RBM4B: variants seen among roughly 807,000 people sequenced by gnomAD.
The protein encoded by RBM4B is RNA-binding protein 4B.
In RBM4B, 13 loss-of-function variants were observed where a neutral mutation model predicts 28.5. The ratio of observed to expected loss-of-function variants is 0.46; its 90% CI spans 0.30 to 0.72. The LOEUF (loss-of-function observed/expected upper bound fraction) is 0.72. RBM4B is among the 30% of genes least tolerant of loss of function. The probability of loss-of-function intolerance (pLI) is 0.09; values close to 1 mark genes in which losing one functional copy is unlikely to be tolerated. For synonymous variants in RBM4B, 167 were observed against 179.1 expected, an observed-to-expected ratio of 0.93 and a Z score of 0.54; for missense variants, 387 against 477.6, an observed-to-expected ratio of 0.81 and a Z score of 1.77.
intron 1 of RBM4B, 163 bp from the exon 2 acceptor site, chr11:66,677,254 A>C: frequency 1.2e-6 from 1 of 868,564 alleles, no homozygotes; most frequent in South Asian, 1.8e-5. Context: ...GTTCTCGAGA[A>C]GTGCGAGCTA....
intron 2 of RBM4B, among the ~76,000 whole-genome samples, chr11:66,674,568 GT>G (rs1047159042): frequency 0.012 from 1,639 of 141,554 alleles, 6 homozygotes; most frequent in East Asian, 0.033. Context: ...TATATATATG[GT>G]TTTTTTTTTT....
chr11:66,665,465 C>T lies in RBM4B; in HGVS notation c.*123G>A. 4 of 813,494 alleles carry T rather than the reference C, an allele frequency of 4.9e-6. No homozygotes were observed. The highest frequency in any genetic ancestry group is 8.1e-6 in the Non-Finnish European group (4 of 496,432). The allele number at this position is 813,494 out of a possible 1,614,324, so 50.4% of individuals were successfully genotyped here. On this transcript the variant is annotated 3_prime_UTR_variant, in exon 4 of 4. Transcript: ENST00000310046. ...GAAAGAAAACATAGTTGGTCACAAA[C>T]TCCTTTTGTTTACTGAAACATGAAG...
chr11:66,669,549 C>G (rs1166570617), intron 2 of RBM4B, among the ~76,000 whole-genome samples: 1 of 152,158 alleles, frequency 6.6e-6, no homozygotes, highest in Non-Finnish European at 1.5e-5. Context: ...CGGATTCAAG[C>G]AATTCTCCTG....
At chr11:66,665,663 G>GTATTC in intron 3 of RBM4B, 85 bp from the exon 4 acceptor site, 1 of 1,520,130 alleles carries the variant, frequency 6.6e-7, no homozygotes. Flanking sequence ...GTCCTGTCCT[G>GTATTC]TATTCCGGGG....
intron 2 of RBM4B, among the ~76,000 whole-genome samples, chr11:66,670,700 C>T (rs559443309): frequency 4.0e-5 from 6 of 151,702 alleles, no homozygotes; most frequent in Admixed American, 2.6e-4. Context: ...AGAAAATGCA[C>T]GGGAGGCTGA....
At position 66,669,343 on chromosome 11, in the gene RBM4B, TTCC is replaced by T. The variant is rs776454290; in HGVS notation, c.413-55_413-53del. ...TATTTTAACTCACTTGACATTCTTT[TTCC>T]TCTCCTCCCCAAATGAAAGTAAATT... On this transcript the variant is annotated intron_variant, in intron 2 of 3. Coordinates refer to ENST00000310046, the MANE Select transcript of RBM4B (RefSeq NM_031492.4). The T allele has an allele frequency of 1.9e-6, 3 of 1,541,518 alleles. No homozygotes were observed. In the South Asian group the frequency reaches 3.5e-5, roughly 18 times the overall value.
chr11:66,677,110 A>G lies in RBM4B; in HGVS notation c.-12-19T>C. ...CAAGAGCCTGGGAGAGAAACACAAG[A>G]CTTCAAAAGTCAGGGGTGTGGTGGG... On this transcript the variant is annotated intron_variant, in intron 1 of 3. Transcript: ENST00000310046. 4 of 1,603,488 alleles carry G rather than the reference A, an allele frequency of 2.5e-6. No homozygotes were observed. The highest frequency in any genetic ancestry group is 2.6e-6 in the Non-Finnish European group (3 of 1,172,788).
intron 3 of RBM4B, chr11:66,667,713 T>G (rs75184787): frequency 6.8e-6 from 1 of 146,386 alleles, no homozygotes; most frequent in Admixed American, 6.7e-5. Flanking sequence ...TTTTTTTTTT[T>G]AAATAAAGGA....
At chr11:66,670,206 C>T (rs1939416447) in intron 2 of RBM4B, among the ~76,000 whole-genome samples, 1 of 152,060 alleles carries the variant, frequency 6.6e-6, no homozygotes, top group South Asian at 2.1e-4. Flanking sequence ...TAAGACCTTT[C>T]AGATTTCAGT....
rs1345677274 is a variant in RBM4B at position 66,677,044 on chromosome 11, C to T, written c.36G>A (p.Glu12=). 6.2e-7 allele frequency: 1 copy of T among 1,613,994 alleles called. No individual in the cohort carries two copies. Among genetic ancestry groups the T allele is most frequent in the East Asian group, 2.2e-5 (1 of 44,892 alleles). ...GTGAGCGAATCTCCTGCTCTGTAGC[C>T]TCCCGGGGAAGGTTTCCGATGAACA... The part of the protein sequence containing the change: ...VKLFIGNLPR[E]ATEQEIRSLF... Residue 12 remains glutamate (E), a synonymous_variant, in exon 2 of 4, where the codon GAG becomes GAA. Coordinates refer to ENST00000310046, the MANE Select transcript of RBM4B (RefSeq NM_031492.4).
chr11:66,674,007 T>C lies in RBM4B; in HGVS notation c.412+2661A>G, dbSNP rs377514584. 2.1e-4 allele frequency among the ~76,000 whole-genome samples: 32 copies of C among 152,194 alleles called. No homozygotes were observed. The South Asian group carries it at 6.2e-3, about 30-fold the overall frequency. Reference sequence around the variant, plus strand: ...AAGAACATGAAAACCAAATACAGGATTTTTCTTTTCCAATTCATTTTAGTG... The same window carrying C: ...AAGAACATGAAAACCAAATACAGGACTTTTCTTTTCCAATTCATTTTAGTG... On this transcript the variant is annotated intron_variant, in intron 2 of 3. Transcript: ENST00000310046.
At chr11:66,677,208 A>G (rs1256738379) in intron 1 of RBM4B, 117 bp from the exon 2 acceptor site, 4 of 1,252,472 alleles carry the variant, frequency 3.2e-6, no homozygotes, top group Non-Finnish European at 4.4e-6. Flanking sequence ...TCGTACAGAC[A>G]TTCATTATTC....
intron 2 of RBM4B, among the ~76,000 whole-genome samples, chr11:66,674,391 A>T (rs1019103927): frequency 6.8e-6 from 1 of 146,508 alleles, no homozygotes; most frequent in African/African-American, 2.5e-5. Context: ...TGGCCGGCTA[A>T]TTTTTTTTTT....
At chr11:66,672,264 G>C (rs575760379) in intron 2 of RBM4B, among the ~76,000 whole-genome samples, 47 of 151,436 alleles carry the variant, frequency 3.1e-4, no homozygotes, top group African/African-American at 9.7e-4. Flanking sequence ...CAAAACATTA[G>C]CTGGGCATGG....
chr11:66,673,624 A>G (rs1052942420), intron 2 of RBM4B, among the ~76,000 whole-genome samples: 1 of 152,004 alleles, frequency 6.6e-6, no homozygotes, highest in African/African-American at 2.4e-5. Flanking sequence ...ATACCTAGCT[A>G]ATTTTTGTAT....
intron 2 of RBM4B, chr11:66,671,084 T>A (rs1214357035): frequency 7.2e-6 from 5 of 697,482 alleles, no homozygotes; most frequent in Non-Finnish European, 1.3e-5. Context: ...TTAGTCAAAT[T>A]CCTTCTGCCC....
chr11:66,674,254 T>C (rs905729947), intron 2 of RBM4B, among the ~76,000 whole-genome samples: 3 of 150,552 alleles, frequency 2.0e-5, no homozygotes, highest in Non-Finnish European at 3.0e-5. Context: ...GATGGAGTCT[T>C]GCTCTGTCCC....
At chr11:66,674,177 CTTTTTTT>C (rs926208528) in intron 2 of RBM4B, among the ~76,000 whole-genome samples, 1 of 124,456 alleles carries the variant, frequency 8.0e-6, no homozygotes, top group Non-Finnish European at 1.7e-5. Context: ...ATTTTTTTTT[CTTTTTTT>C]TTTTTTTTTA....
chr11:66,672,952 T>C (rs1393919996), intron 2 of RBM4B, among the ~76,000 whole-genome samples: 10 of 152,204 alleles, frequency 6.6e-5, no homozygotes, highest in African/African-American at 1.9e-4. Flanking sequence ...AGCTTAAAAT[T>C]TCCTGGGACT....
Sources: gnomAD v4.1 joint callset for allele counts (sites outside exome capture counted in the v4.1 genomes callset) on GRCh38, gnomAD v4.1.1 for gene constraint, MANE v1.5 for transcripts, NCBI Gene and HGNC (gene_info 2026-07-23, HGNC 2026-07-21) for gene names.